Variants in LRP1B observed in about 807,000 individuals in gnomAD.
LRP1B encodes the protein low-density lipoprotein receptor-related protein 1B.
Under a neutral mutation model 556.6 loss-of-function variants are expected in LRP1B, and 217 were observed. That is an observed-to-expected ratio of 0.39 (90% CI 0.35 to 0.44). The LOEUF is 0.44. Among genes scored for constraint, LRP1B ranks in the 20% least tolerant of loss-of-function variants. The pLI, the probability that LRP1B is intolerant of heterozygous loss-of-function variation, is 1.00. For synonymous variants in LRP1B, 2,047 were observed against 1,865.8 expected, an observed-to-expected ratio of 1.10 and a Z score of -2.50; for missense variants, 5,053 against 5,620.8, an observed-to-expected ratio of 0.90 and a Z score of 3.23.
At chr2:141,624,033 A>G (rs1304259410) in intron 2 of LRP1B, among the ~76,000 whole-genome samples, 1 of 86,340 alleles carries the variant, frequency 1.2e-5, no homozygotes, top group African/African-American at 4.1e-5. Context: ...AAAAAAAATT[A>G]AACAAAAAAA....
chr2:141,639,524 GT>G (rs959219809), intron 2 of LRP1B, among the ~76,000 whole-genome samples: 3 of 148,708 alleles, frequency 2.0e-5, no homozygotes, highest in Non-Finnish European at 3.0e-5. Flanking sequence ...TTTAAAGCAA[GT>G]TTTTTTTGCA....
At chr2:140,241,519 GCTGTTAATTA>G (rs1163921621) in intron 87 of LRP1B, among the ~76,000 whole-genome samples, 7 of 150,754 alleles carry the variant, frequency 4.6e-5, no homozygotes, top group Non-Finnish European at 7.4e-5. Context: ...GAGGTAGGAA[GCTGTTAATTA>G]AGTATGCTAG....
intron 2 of LRP1B, among the ~76,000 whole-genome samples, chr2:141,670,719 G>A (rs917818151): frequency 1.7e-4 from 26 of 152,166 alleles, no homozygotes; most frequent in Non-Finnish European, 5.9e-5. Context: ...TCTGTGCAGT[G>A]AAATAAAAAA....
rs115165943 is a variant in LRP1B, at chr2:140,780,585, G to T, written c.5360-4347C>A. On this transcript the variant is annotated intron_variant, in intron 32 of 90. Coordinates refer to ENST00000389484, the MANE Select transcript of LRP1B (RefSeq NM_018557.3). The stretch of plus-strand genomic sequence containing the variant: ...TGTTCCCTCCTTACTCACCCTCTCG[G>T]ACCCAATGGGTCTTGAGCAGAAACT... Among the ~76,000 whole-genome samples, 1,287 of 152,158 alleles carry T rather than the reference G, an allele frequency of 8.5e-3. 10 individuals are homozygous for T. The highest frequency in any genetic ancestry group is 0.013 in the Non-Finnish European group (862 of 67,998).
At chr2:140,766,267 C>G (rs1689101613) in intron 35 of LRP1B, among the ~76,000 whole-genome samples, 1 of 151,832 alleles carries the variant, frequency 6.6e-6, no homozygotes, top group African/African-American at 2.4e-5. Context: ...ATCTCTTTCT[C>G]TGAGGAACAA....
chr2:140,748,872 CAG>C (rs749726588), intron 35 of LRP1B, among the ~76,000 whole-genome samples: 6,157 of 99,250 alleles, frequency 0.062, 271 homozygotes, highest in South Asian at 0.15. Flanking sequence ...CACACACACA[CAG>C]AGTCATGCAT....
At chr2:141,775,260 T>C (rs907742160) in intron 2 of LRP1B, among the ~76,000 whole-genome samples, 1 of 152,262 alleles carries the variant, frequency 6.6e-6, no homozygotes, top group South Asian at 2.1e-4. Flanking sequence ...TTAATAATAA[T>C]GCAAATGATC....
chr2:140,331,405 TAAC>T (rs1680805337), intron 79 of LRP1B, among the ~76,000 whole-genome samples: 1 of 151,902 alleles, frequency 6.6e-6, no homozygotes, highest in African/African-American at 2.4e-5. Flanking sequence ...CGGTGCCCAA[TAAC>T]AATAATAATC....
chr2:141,540,899 T>C (rs1685234945), intron 2 of LRP1B, among the ~76,000 whole-genome samples: 1 of 152,020 alleles, frequency 6.6e-6, no homozygotes, highest in Non-Finnish European at 1.5e-5. Context: ...TCTACATTTT[T>C]AGTTCGCACA....
chr2:140,299,721 A>G (rs1358574264), intron 83 of LRP1B, among the ~76,000 whole-genome samples: 1 of 152,178 alleles, frequency 6.6e-6, no homozygotes, highest in Non-Finnish European at 1.5e-5. Flanking sequence ...GATTAATGAA[A>G]AAAACAAGAG....
intron 7 of LRP1B, among the ~76,000 whole-genome samples, chr2:141,099,157 A>T (rs1700399106): frequency 6.6e-6 from 1 of 152,192 alleles, no homozygotes; most frequent in African/African-American, 2.4e-5. Flanking sequence ...GGACTTGTCT[A>T]AATACAGCAC....
chr2:141,152,625 C>T (rs1006548634), intron 7 of LRP1B, among the ~76,000 whole-genome samples: 2 of 151,674 alleles, frequency 1.3e-5, no homozygotes, highest in African/African-American at 4.8e-5. Context: ...CGCAGATGAG[C>T]CAGTCTGAGG....
At chr2:141,110,627 T>C (rs1405097017) in intron 7 of LRP1B, among the ~76,000 whole-genome samples, 1 of 140,222 alleles carries the variant, frequency 7.1e-6, no homozygotes, top group African/African-American at 2.5e-5. Flanking sequence ...ACAAGAAAGT[T>C]TGTAATCATG....
At chr2:140,358,592 G>A (rs1682352267) in intron 73 of LRP1B, among the ~76,000 whole-genome samples, 1 of 151,632 alleles carries the variant, frequency 6.6e-6, no homozygotes, top group Non-Finnish European at 1.5e-5. Flanking sequence ...TCTCCGGGAT[G>A]AATATTTTCT....
At chr2:141,528,269 G>A (rs964660808) in intron 2 of LRP1B, among the ~76,000 whole-genome samples, 10 of 151,920 alleles carry the variant, frequency 6.6e-5, no homozygotes, top group South Asian at 2.1e-4. Context: ...TATAATACCC[G>A]TTGTAGTTGT....
intron 3 of LRP1B, among the ~76,000 whole-genome samples, chr2:141,398,347 A>C (rs974602569): frequency 3.9e-5 from 6 of 152,228 alleles, no homozygotes; most frequent in African/African-American, 1.4e-4. Flanking sequence ...AAAATATTTA[A>C]AGTATGCTCA....
chr2:141,596,996 C>T (rs1687547551), intron 2 of LRP1B, among the ~76,000 whole-genome samples: 1 of 149,934 alleles, frequency 6.7e-6, no homozygotes, highest in South Asian at 2.2e-4. Flanking sequence ...AAAGTCAGAA[C>T]TGACGTGTGT....
At chr2:140,610,098 G>T (rs1248603236) in intron 41 of LRP1B, among the ~76,000 whole-genome samples, 1 of 150,836 alleles carries the variant, frequency 6.6e-6, no homozygotes, top group African/African-American at 2.4e-5. Flanking sequence ...TTCTTCCCCG[G>T]GTCTGACGTT....
At chr2:141,561,767 ATACTC>A (rs758367558) in intron 2 of LRP1B, among the ~76,000 whole-genome samples, 16 of 151,902 alleles carry the variant, frequency 1.1e-4, no homozygotes, top group African/African-American at 1.9e-4. Flanking sequence ...TCTTTCTACT[ATACTC>A]TAATATAAAG....
Sources: allele counts gnomAD v4.1 joint callset (sites outside exome capture counted in the v4.1 genomes callset), GRCh38; gene constraint gnomAD v4.1.1; transcripts MANE v1.5; gene names NCBI Gene and HGNC (gene_info 2026-07-23, HGNC 2026-07-21).